Variants in DARS1 observed in about 807,000 individuals in gnomAD.
DARS1 encodes aspartyl-tRNA synthetase 1.
In DARS1, 51 loss-of-function variants were observed where a neutral mutation model predicts 68.8. The ratio of observed to expected loss-of-function variants is 0.74; its 90% confidence interval spans 0.59 to 0.94. The LOEUF is 0.94. DARS1 is among the 40% of genes least tolerant of loss of function. DARS1 has a pLI of 0.00. For synonymous variants in DARS1, 203 were observed against 190.4 expected, an observed-to-expected ratio of 1.07 and a Z score of -0.55; for missense variants, 607 against 597.3, an observed-to-expected ratio of 1.02 and a Z score of -0.17.
chr2:135,954,996 A>G (rs940109564), intron 4 of DARS1, among the ~76,000 whole-genome samples: 4 of 152,078 alleles, frequency 2.6e-5, no homozygotes, highest in Non-Finnish European at 4.4e-5. Flanking sequence ...AATATAACAG[A>G]AATCCTATAT....
chr2:135,980,821 A>G, intron 2 of DARS1, among the ~76,000 whole-genome samples: 1 of 152,166 alleles, frequency 6.6e-6, no homozygotes, highest in East Asian at 1.9e-4. Flanking sequence ...AATTAGGATA[A>G]TTTTACTAGC....
chr2:135,961,354 A>G (rs1340032165), intron 4 of DARS1, 42 bp downstream of exon 4: 1 of 914,504 alleles, frequency 1.1e-6, no homozygotes, highest in East Asian at 2.4e-5. Context: ...CTTGGTTCCC[A>G]CCATTGTTTA....
intron 2 of DARS1, 147 bp from the exon 3 acceptor site, chr2:135,979,513 A>T: frequency 1.7e-6 from 1 of 581,396 alleles, no homozygotes; most frequent in East Asian, 2.9e-5. Flanking sequence ...TGTCTTCTCT[A>T]TCATGTTCCA....
chr2:135,984,996 C>T (rs918504445), intron 1 of DARS1, among the ~76,000 whole-genome samples: 8 of 152,222 alleles, frequency 5.3e-5, no homozygotes, highest in African/African-American at 1.7e-4. Flanking sequence ...ACTGTCATTA[C>T]TTGCTAAAGC....
chr2:135,940,853 C>T (rs1014982079), intron 5 of DARS1, among the ~76,000 whole-genome samples: 16 of 152,066 alleles, frequency 1.1e-4, no homozygotes, highest in African/African-American at 3.6e-4. Context: ...ACAAGCCTTC[C>T]TATACACCAA....
chr2:135,983,624 T>C lies in DARS1; in HGVS notation c.67-170A>G, dbSNP rs570120772. Among the ~76,000 whole-genome samples the C allele has an allele frequency of 1.2e-4, 18 of 152,356 alleles. No individual in the cohort carries two copies. In the South Asian group the frequency reaches 3.7e-3, roughly 32 times the overall value. ...TGGAAATCTCTCATTCATTTACATATGTACTCTACAGAAAACAGAAAAGTA... is the reference window on the plus strand; with the variant it reads ...TGGAAATCTCTCATTCATTTACATACGTACTCTACAGAAAACAGAAAAGTA... On this transcript the variant is annotated intron_variant, in intron 1 of 15. Coordinates refer to ENST00000264161, the MANE Select transcript of DARS1 (RefSeq NM_001349.4).
intron 9 of DARS1, among the ~76,000 whole-genome samples, chr2:135,921,786 T>A (rs1681114312): frequency 6.6e-6 from 1 of 152,142 alleles, no homozygotes; most frequent in Non-Finnish European, 1.5e-5. Context: ...TTTAACAAGA[T>A]CTCCAGGTAA....
intron 5 of DARS1, among the ~76,000 whole-genome samples, chr2:135,942,942 C>T (rs373940084): frequency 1.7e-4 from 26 of 152,278 alleles, no homozygotes; most frequent in Admixed American, 5.2e-4. Flanking sequence ...TGCTGTGTGA[C>T]TTTGACGAGT....
At chr2:135,985,679 G>T (rs939510354), upstream of DARS1, 8 of 1,274,396 alleles carry the variant, frequency 6.3e-6, no homozygotes, top group South Asian at 1.5e-5. Context: ...CCGCGCGCAG[G>T]GTCTCCTCCC....
intron 13 of DARS1, 106 bp from the exon 14 acceptor site, chr2:135,911,599 A>C (rs2104792830): frequency 3.1e-6 from 2 of 650,910 alleles, no homozygotes; most frequent in East Asian, 2.6e-5. Flanking sequence ...ATTTTTTCCT[A>C]CAATTAACAA....
At chr2:135,975,582 T>C (rs1243650538) in intron 3 of DARS1, among the ~76,000 whole-genome samples, 2 of 151,266 alleles carry the variant, frequency 1.3e-5, no homozygotes, top group African/African-American at 4.9e-5. Flanking sequence ...TCACCTGAGG[T>C]CAGGAGTTTG....
intron 3 of DARS1, among the ~76,000 whole-genome samples, chr2:135,974,732 T>C (rs1682458323): frequency 6.6e-6 from 1 of 152,118 alleles, no homozygotes; most frequent in African/African-American, 2.4e-5. Flanking sequence ...AAACAAGAAA[T>C]GAGATACAAA....
intron 1 of DARS1, among the ~76,000 whole-genome samples, chr2:135,983,757 C>G (rs1575411398): frequency 6.6e-6 from 1 of 152,174 alleles, no homozygotes. Context: ...ATCTTAACTA[C>G]CTTCTTCAAA....
Position 135,920,103 on chromosome 2 carries a change from G to A in DARS1, c.959+350C>T, listed in dbSNP as rs576045925. Among the ~76,000 whole-genome samples the A allele has an allele frequency of 4.6e-5, 7 of 152,252 alleles. No individual in the cohort carries two copies. In the East Asian group the frequency reaches 9.6e-4, roughly 21 times the overall value. On this transcript the variant is annotated intron_variant, in intron 10 of 15. Transcript: ENST00000264161. Reference sequence around the variant, plus strand: ...ACCTCTTACACACTACCCTCATACTGTTTCCCAAATAAACTGTTAAAAGAA... The same window carrying A: ...ACCTCTTACACACTACCCTCATACTATTTCCCAAATAAACTGTTAAAAGAA...
rs989991036 is a variant in DARS1, at chr2:135,978,817, T to C, written c.217+457A>G. On this transcript the variant is annotated intron_variant, in intron 3 of 15. Coordinates refer to ENST00000264161, the MANE Select transcript of DARS1 (RefSeq NM_001349.4). ...CTGAATTTAAATGTAAATAGCTGCATGTGGTCAGTGGTTACTGTATTGAAT... is the reference window on the plus strand; with the variant it reads ...CTGAATTTAAATGTAAATAGCTGCACGTGGTCAGTGGTTACTGTATTGAAT... 3.3e-5 allele frequency among the ~76,000 whole-genome samples: 5 copies of C among 152,348 alleles called. No homozygotes were observed. In the South Asian group the frequency reaches 1.0e-3, roughly 32 times the overall value.
chr2:135,976,928 G>A (rs564299111), intron 3 of DARS1, among the ~76,000 whole-genome samples: 2 of 152,102 alleles, frequency 1.3e-5, no homozygotes, highest in Non-Finnish European at 2.9e-5. Flanking sequence ...CTACTGGACA[G>A]CAAGAACAAG....
chr2:135,933,367 T>C (rs575051732), intron 6 of DARS1, among the ~76,000 whole-genome samples: 5 of 152,324 alleles, frequency 3.3e-5, no homozygotes, highest in East Asian at 1.9e-4. Context: ...ATTATCACAA[T>C]AGAATGAATG....
chr2:135,982,282 C>T (rs1682651657), intron 2 of DARS1, among the ~76,000 whole-genome samples: 2 of 152,048 alleles, frequency 1.3e-5, no homozygotes, highest in African/African-American at 4.8e-5. Flanking sequence ...AGAGAAACAA[C>T]ATGAGTCAGG....
chr2:135,930,214 A>T (rs1681311563), intron 7 of DARS1, among the ~76,000 whole-genome samples: 1 of 152,230 alleles, frequency 6.6e-6, no homozygotes, highest in South Asian at 2.1e-4. Context: ...CTATTTTCTT[A>T]ATCCCTGCAT....
Sources: allele counts gnomAD v4.1 joint callset (sites outside exome capture counted in the v4.1 genomes callset), GRCh38; gene constraint gnomAD v4.1.1; transcripts MANE v1.5; gene names NCBI Gene and HGNC (gene_info 2026-07-23, HGNC 2026-07-21).